ABR: variants seen among roughly 807,000 people sequenced by gnomAD.
The protein encoded by ABR is active breakpoint cluster region-related protein.
A neutral mutation model predicts 107.2 loss-of-function variants in ABR; 35 were observed. The ratio of observed to expected loss-of-function variants is 0.33; its 90% CI spans 0.25 to 0.43. ABR has a LOEUF of 0.43. ABR is among the 20% of genes least tolerant of loss of function. The probability of loss-of-function intolerance (pLI) is 1.00; values close to 1 mark genes in which losing one functional copy is unlikely to be tolerated. For missense variants in ABR, 815 were observed against 1,115.2 expected, an observed-to-expected ratio of 0.73 and a Z score of 3.83; for synonymous variants, 498 against 462.0, an observed-to-expected ratio of 1.08 and a Z score of -1.00.
At chr17:1,184,439 G>A (rs917343699), upstream of ABR, among the ~76,000 whole-genome samples, 4 of 152,018 alleles carry the variant, frequency 2.6e-5, no homozygotes, top group African/African-American at 9.7e-5. Context: ...TGGGGACAGA[G>A]CAAGACTCCG....
upstream of ABR, among the ~76,000 whole-genome samples, chr17:1,189,020 A>C (rs757610596): frequency 4.6e-5 from 7 of 152,134 alleles, no homozygotes; most frequent in Non-Finnish European, 1.0e-4. Flanking sequence ...CTCTTCCCCA[A>C]GCTCTTGGCA....
intron 5 of ABR, among the ~76,000 whole-genome samples, chr17:1,081,723 T>TG (rs1196878526): frequency 2.0e-5 from 3 of 152,184 alleles, no homozygotes; most frequent in Non-Finnish European, 4.4e-5. Context: ...ATTACAAGTG[T>TG]GCACCACCAC....
At chr17:1,170,038 A>G (rs1035092871) in intron 1 of ABR, among the ~76,000 whole-genome samples, 9 of 151,418 alleles carry the variant, frequency 5.9e-5, no homozygotes, top group African/African-American at 2.2e-4. Flanking sequence ...TATGTTAACA[A>G]TCAGCACTTC....
intron 2 of ABR, among the ~76,000 whole-genome samples, chr17:1,116,475 C>T (rs1035845831): frequency 2.5e-4 from 38 of 152,178 alleles, no homozygotes; most frequent in African/African-American, 8.7e-4. Flanking sequence ...AGCCAGAAGA[C>T]GGAGATCCCA....
At chr17:1,169,273 A>C (rs1029053899) in intron 1 of ABR, among the ~76,000 whole-genome samples, 2 of 152,224 alleles carry the variant, frequency 1.3e-5, no homozygotes, top group Non-Finnish European at 2.9e-5. Flanking sequence ...AGCAGAGGCC[A>C]AGAACAATGG....
At chr17:1,020,146 C>T (rs1005981622) in intron 16 of ABR, among the ~76,000 whole-genome samples, 9 of 152,062 alleles carry the variant, frequency 5.9e-5, no homozygotes, top group African/African-American at 1.7e-4. Context: ...TGCAGTGGCG[C>T]GATCTCAGCT....
At chr17:1,192,290 T>C (rs2042452581), upstream of ABR, among the ~76,000 whole-genome samples, 1 of 152,112 alleles carries the variant, frequency 6.6e-6, no homozygotes, top group Non-Finnish European at 1.5e-5. Flanking sequence ...AAGTTACTTA[T>C]TATTTCACTG....
At chr17:1,203,431 C>CGGAGTCTGCG (rs2042719636) in intron 1 of ABR, among the ~76,000 whole-genome samples, 2 of 11,314 alleles carry the variant, frequency 1.8e-4, no homozygotes, top group East Asian at 0.013. Context: ...GCGGGGCCCG[C>CGGAGTCTGCG]GGGGACGGAG....
chr17:1,044,357 G>A (rs961056007), intron 16 of ABR, among the ~76,000 whole-genome samples: 6 of 152,264 alleles, frequency 3.9e-5, no homozygotes, highest in Admixed American at 3.9e-4. Context: ...CGCCCTCTAA[G>A]ATTTATTCCA....
rs549992738 is a variant in ABR, at chr17:1,220,968, G to C, written c.838+7825C>G. Among the ~76,000 whole-genome samples, 7 of 152,218 alleles carry C rather than the reference G, an allele frequency of 4.6e-5. No homozygotes were observed. In the South Asian group the frequency reaches 1.5e-3, roughly 32 times the overall value. ...GCTCTTCACAGTAAACATGTAAAAG[G>C]CTACTGCCTTGCACAGGGCCGTGGC... On this transcript the variant is annotated intron_variant, in intron 1 of 22. Transcript: ENST00000574139.
intron 2 of ABR, among the ~76,000 whole-genome samples, chr17:1,116,991 C>T (rs1214471930): frequency 6.6e-6 from 1 of 152,166 alleles, no homozygotes; most frequent in African/African-American, 2.4e-5. Context: ...GAGTTCCTGG[C>T]TGCCATGCCG....
chr17:1,140,127 G>A (rs187264997), intron 1 of ABR, among the ~76,000 whole-genome samples: 9 of 152,338 alleles, frequency 5.9e-5, no homozygotes, highest in East Asian at 1.9e-4. Flanking sequence ...GATGTGGAAC[G>A]GGGCAAACCG....
Position 1,094,290 on chromosome 17 carries a change from T to C in ABR, c.346-2440A>G, listed in dbSNP as rs538341994. ...GCTTCGTGTCACCAGCAGCCTCATG[T>C]GTGAAACTGGGATAATACAGCCATG... is the stretch of plus-strand genomic sequence containing the variant. On this transcript the variant is annotated intron_variant, in intron 3 of 22. Transcript: ENST00000302538. Among the ~76,000 whole-genome samples, 3 of 152,210 alleles carry C rather than the reference T, an allele frequency of 2.0e-5. No individual in the cohort carries two copies. The East Asian group carries it at 5.8e-4, about 29-fold the overall frequency.
At position 1,005,559 on chromosome 17, in the gene ABR, A is replaced by C; in HGVS notation, c.*521T>G. On this transcript the variant is annotated 3_prime_UTR_variant, in exon 23 of 23. Coordinates refer to ENST00000302538, the MANE Select transcript of ABR (RefSeq NM_021962.5). ...CTTTCAAGGCGATGGAGCGAAGACC[A>C]AGGGTGCACATGCATGCAGGCAGGC... is the stretch of plus-strand genomic sequence containing the variant. 5.3e-6 allele frequency: 1 copy of C among 188,976 alleles called. No homozygotes were observed. The allele number at this position is 188,976 out of a possible 1,614,324, so 11.7% of individuals were successfully genotyped here.
At chr17:1,111,175 A>G (rs2038654465) in intron 2 of ABR, among the ~76,000 whole-genome samples, 1 of 152,112 alleles carries the variant, frequency 6.6e-6, no homozygotes, top group Non-Finnish European at 1.5e-5. Context: ...AGAGGACATG[A>G]GGTGCCCTTG....
chr17:1,028,202 T>C (rs954999570), intron 16 of ABR, among the ~76,000 whole-genome samples: 2 of 151,712 alleles, frequency 1.3e-5, no homozygotes, highest in Admixed American at 6.6e-5. Context: ...GCGATGCTCC[T>C]GCCTCAGCCT....
intron 1 of ABR, among the ~76,000 whole-genome samples, chr17:1,129,597 G>A (rs2039740309): frequency 6.6e-6 from 1 of 152,188 alleles, no homozygotes; most frequent in Non-Finnish European, 1.5e-5. Context: ...TTGGGCTCCA[G>A]TGAGTGACAT....
At chr17:1,227,910 C>T (rs2043251311) in intron 1 of ABR, among the ~76,000 whole-genome samples, 1 of 152,210 alleles carries the variant, frequency 6.6e-6, no homozygotes, top group South Asian at 2.1e-4. Context: ...GCTTTGACTG[C>T]TGCAAAGCAC....
rs897867484 is a variant in ABR, at chr17:1,150,547, G to C, written c.62-25180C>G. On this transcript the variant is annotated intron_variant, in intron 1 of 22. Transcript: ENST00000302538. This position sits in a 1 kb window ranked among gnomAD's most constrained non-coding sequence, Gnocchi z 4.8. ...AGCGCCGAGAGAGGCCCAGGAGGACGGGCCCCGGGCATGGCAAGCGCACTG... is the reference window on the plus strand; with the variant it reads ...AGCGCCGAGAGAGGCCCAGGAGGACCGGCCCCGGGCATGGCAAGCGCACTG... 4.6e-5 allele frequency among the ~76,000 whole-genome samples: 7 copies of C among 152,148 alleles called. No individual in the cohort carries two copies. The highest frequency in any genetic ancestry group is 1.7e-4 in the African/African-American group (7 of 41,430).
Sources: allele counts gnomAD v4.1 joint callset (sites outside exome capture counted in the v4.1 genomes callset), GRCh38; gene constraint gnomAD v4.1.1; non-coding constraint Gnocchi (gnomAD v3.1); transcripts MANE v1.5; gene names NCBI Gene and HGNC (gene_info 2026-07-23, HGNC 2026-07-21).